WDR27: variants seen among roughly 807,000 people sequenced by gnomAD.
WDR27 encodes WD repeat domain 27.
Under a neutral mutation model 114.4 loss-of-function variants are expected in WDR27, and 100 were observed. The observed-to-expected ratio is 0.87, with a 90% confidence interval of 0.74 to 1.03. The LOEUF (loss-of-function observed/expected upper bound fraction) is 1.03, where lower values mean the gene tolerates loss of function less well. Ranked by LOEUF, WDR27 falls within the 50% of genes least tolerant of loss-of-function variation. The pLI is 0.00. For missense variants in WDR27, 1,129 were observed against 1,092.9 expected (o/e 1.03, Z -0.47); for synonymous variants, 449 against 423.1 (o/e 1.06, Z -0.75).
intron 6 of WDR27, 109 bp downstream of exon 6, chr6:169,667,027 T>C: frequency 7.5e-7 from 1 of 1,330,678 alleles, no homozygotes; most frequent in Non-Finnish European, 9.6e-7. Context: ...GATTGCCTCA[T>C]TCAGATCCAC....
chr6:169,426,524 A>G, the WDR27 span: 1 of 152,142 alleles, frequency 6.6e-6, no homozygotes, highest in African/African-American at 2.4e-5. Context: ...TATAAAATTG[A>G]TATCTGAGCT....
chr6:169,650,611 A>C (rs1822139045), intron 14 of WDR27, among the ~76,000 whole-genome samples: 1 of 129,332 alleles, frequency 7.7e-6, no homozygotes, highest in Non-Finnish European at 1.6e-5. Flanking sequence ...CATCCCCTCC[A>C]TCCATGCTCC....
At chr6:169,538,409 C>T (rs968632862) in intron 25 of WDR27, among the ~76,000 whole-genome samples, 2 of 152,090 alleles carry the variant, frequency 1.3e-5, no homozygotes, top group Admixed American at 6.5e-5. Context: ...TCCAACCGTG[C>T]GACATAGTTC....
intron 25 of WDR27, among the ~76,000 whole-genome samples, chr6:169,491,837 T>C (rs1020520174): frequency 2.6e-5 from 4 of 152,084 alleles, no homozygotes; most frequent in African/African-American, 9.7e-5. Flanking sequence ...AGATGAGAAA[T>C]ACTGCTGCAA....
chr6:169,480,106 G>A (rs113635592), intron 25 of WDR27, among the ~76,000 whole-genome samples: 4,077 of 152,258 alleles, frequency 0.027, 177 homozygotes, highest in African/African-American at 0.092. Flanking sequence ...AGGTGGATGC[G>A]GGCTCAGCGG....
At chr6:169,465,937 G>A (rs975775121) in intron 25 of WDR27, among the ~76,000 whole-genome samples, 3 of 152,176 alleles carry the variant, frequency 2.0e-5, no homozygotes, top group African/African-American at 7.2e-5. Context: ...TGTGGAGAGG[G>A]ATAGTGGTGG....
chr6:169,677,125 G>A (rs143851377), intron 2 of WDR27, among the ~76,000 whole-genome samples: 1 of 152,344 alleles, frequency 6.6e-6, no homozygotes, highest in African/African-American at 2.4e-5. Flanking sequence ...AGTTGGAAGA[G>A]TTTGGAGGGC....
chr6:169,507,165 C>T (rs1329281493), intron 25 of WDR27, among the ~76,000 whole-genome samples: 2 of 152,154 alleles, frequency 1.3e-5, no homozygotes, highest in East Asian at 1.9e-4. Flanking sequence ...AACTTTGTTT[C>T]CTAACAAGTT....
chr6:169,681,749 C>T (rs1781572901), intron 2 of WDR27, among the ~76,000 whole-genome samples: 1 of 152,204 alleles, frequency 6.6e-6, no homozygotes, highest in Admixed American at 6.5e-5. Context: ...GGGAGACTTG[C>T]CCGTATCTTG....
chr6:169,467,397 G>A (rs1432609176), intron 25 of WDR27, among the ~76,000 whole-genome samples: 1 of 152,176 alleles, frequency 6.6e-6, no homozygotes, highest in African/African-American at 2.4e-5. Context: ...GGTTCTTCAT[G>A]AGGGCCCCAC....
intron 23 of WDR27, among the ~76,000 whole-genome samples, chr6:169,596,222 A>G (rs931864486): frequency 6.6e-6 from 1 of 152,084 alleles, no homozygotes; most frequent in African/African-American, 2.4e-5. Flanking sequence ...ACTTTTTAAA[A>G]AAATGTCCAG....
At chr6:169,683,725 T>G (rs937535041) in intron 2 of WDR27, among the ~76,000 whole-genome samples, 4 of 152,144 alleles carry the variant, frequency 2.6e-5, no homozygotes, top group Non-Finnish European at 4.4e-5. Context: ...CAGATGGGAC[T>G]TCCCCCTGCA....
chr6:169,576,427 A>G (rs1394651614), intron 24 of WDR27, among the ~76,000 whole-genome samples: 1 of 152,246 alleles, frequency 6.6e-6, no homozygotes, highest in Non-Finnish European at 1.5e-5. Flanking sequence ...AAATTCTGTC[A>G]TATAACAAAA....
intron 25 of WDR27, among the ~76,000 whole-genome samples, chr6:169,482,833 C>T (rs1562477533): frequency 6.6e-6 from 1 of 152,142 alleles, no homozygotes. Flanking sequence ...ATACCAACTA[C>T]TCTCTCTGAC....
chr6:169,639,586 G>A (rs1305134445), intron 17 of WDR27, among the ~76,000 whole-genome samples: 1 of 152,150 alleles, frequency 6.6e-6, no homozygotes, highest in Non-Finnish European at 1.5e-5. Flanking sequence ...TTCTGAGAGC[G>A]CCAATGCTGG....
At chr6:169,436,360 A>G in the WDR27 span, among the ~76,000 whole-genome samples, 1 of 152,176 alleles carries the variant, frequency 6.6e-6, no homozygotes, top group African/African-American at 2.4e-5. Flanking sequence ...AAAACTATAA[A>G]TCCAGCTTAA....
chr6:169,520,930 G>A, intron 25 of WDR27, among the ~76,000 whole-genome samples: 1 of 152,118 alleles, frequency 6.6e-6, no homozygotes, highest in East Asian at 1.9e-4. Flanking sequence ...TAGTGTTCAA[G>A]TTGAACAAGT....
the WDR27 span, among the ~76,000 whole-genome samples, chr6:169,447,263 A>G: frequency 6.6e-6 from 1 of 152,248 alleles, no homozygotes. Flanking sequence ...TTATGTTAGT[A>G]TATTTCAATT....
the WDR27 span, among the ~76,000 whole-genome samples, chr6:169,435,451 G>A: frequency 6.6e-6 from 1 of 152,234 alleles, no homozygotes; most frequent in African/African-American, 2.4e-5. Flanking sequence ...CATGAAAGCA[G>A]CTGGGAGGAA....
Sources: allele counts gnomAD v4.1 joint callset (sites outside exome capture counted in the v4.1 genomes callset), GRCh38; gene constraint gnomAD v4.1.1; transcripts MANE v1.5; gene names NCBI Gene and HGNC (gene_info 2026-07-23, HGNC 2026-07-21).